JARID2: variants seen among roughly 807,000 people sequenced by gnomAD.
The protein encoded by JARID2 is jumonji and AT-rich interaction domain containing 2, also known as protein Jumonji.
Under a neutral mutation model 125.6 loss-of-function variants are expected in JARID2, and 21 were observed. The observed-to-expected ratio is 0.17, with a 90% CI of 0.12 to 0.24. The LOEUF (loss-of-function observed/expected upper bound fraction) is 0.24, where lower values mean the gene tolerates loss of function less well. Among genes scored for constraint, JARID2 ranks in the 10% least tolerant of loss-of-function variants. The pLI is 1.00. For missense variants in JARID2, 1,303 were observed against 1,639.6 expected, an observed-to-expected ratio of 0.79 and a Z score of 3.55; for synonymous variants, 736 against 661.6, an observed-to-expected ratio of 1.11 and a Z score of -1.73.
chr6:15,283,765 G>A (rs1259352481), intron 1 of JARID2, among the ~76,000 whole-genome samples: 1 of 145,876 alleles, frequency 6.9e-6, no homozygotes, highest in Admixed American at 6.9e-5. Context: ...GAGTGCAGTA[G>A]CGCGATCACG....
intron 1 of JARID2, among the ~76,000 whole-genome samples, chr6:15,258,321 C>A (rs1309386778): frequency 2.6e-5 from 4 of 152,188 alleles, no homozygotes; most frequent in Non-Finnish European, 4.4e-5. Flanking sequence ...GCTTTGGAGT[C>A]AGTCTGAAGT....
chr6:15,276,382 A>G (rs890273715), intron 1 of JARID2, among the ~76,000 whole-genome samples: 8 of 152,222 alleles, frequency 5.3e-5, no homozygotes, highest in Non-Finnish European at 1.0e-4. Context: ...GAGATAAAGT[A>G]TATTCCTGCC....
In JARID2 at chr6:15,361,443, C is replaced by T. The variant is rs1044422603; in HGVS notation, c.46-12674C>T. On this transcript the variant is annotated intron_variant, in intron 1 of 17. Coordinates refer to ENST00000341776, the MANE Select transcript of JARID2 (RefSeq NM_004973.4). ...TCCTCTGTCCTTTCACACACATCACCGAAGTGTAAATGGTAAATTTCTACA... is the reference window on the plus strand; with the variant it reads ...TCCTCTGTCCTTTCACACACATCACTGAAGTGTAAATGGTAAATTTCTACA... 4.6e-5 allele frequency among the ~76,000 whole-genome samples: 7 copies of T among 152,302 alleles called. No homozygotes were observed. In the East Asian group the frequency reaches 9.6e-4, roughly 21 times the overall value.
intron 5 of JARID2, among the ~76,000 whole-genome samples, chr6:15,486,805 A>ATTTTTTTTTTT (rs766075740): frequency 7.4e-5 from 3 of 40,632 alleles, no homozygotes; most frequent in African/African-American, 1.9e-4. Flanking sequence ...CTGAGAATAG[A>ATTTTTTTTTTT]CTTTTTTTTT....
intron 1 of JARID2, among the ~76,000 whole-genome samples, chr6:15,270,249 C>G (rs977425376): frequency 6.6e-6 from 1 of 152,206 alleles, no homozygotes; most frequent in East Asian, 1.9e-4. Context: ...TCTCCTGCCT[C>G]AGCCTCCGGA....
chr6:15,304,066 C>A (rs1247916883), intron 1 of JARID2, among the ~76,000 whole-genome samples: 1 of 152,124 alleles, frequency 6.6e-6, no homozygotes. Flanking sequence ...GTCTGGGTTG[C>A]TGTGGGGATT....
intron 1 of JARID2, among the ~76,000 whole-genome samples, chr6:15,281,665 A>G (rs977192929): frequency 1.1e-4 from 16 of 152,228 alleles, no homozygotes; most frequent in Admixed American, 7.9e-4. Flanking sequence ...ACGTAACAAT[A>G]TCTCAAAGAT....
chr6:15,510,920 G>A (rs1259233470), intron 12 of JARID2, among the ~76,000 whole-genome samples: 5 of 152,268 alleles, frequency 3.3e-5, no homozygotes, highest in African/African-American at 1.2e-4. Flanking sequence ...GAAGGAGGGT[G>A]CAGTGCTGGA....
At chr6:15,442,780 T>C (rs964864628) in intron 3 of JARID2, among the ~76,000 whole-genome samples, 9 of 152,236 alleles carry the variant, frequency 5.9e-5, no homozygotes, top group Admixed American at 3.9e-4. Context: ...AAGAAGTCAA[T>C]GTCAGATGTT....
intron 1 of JARID2, among the ~76,000 whole-genome samples, chr6:15,370,422 C>G (rs1764123620): frequency 6.7e-6 from 1 of 149,340 alleles, no homozygotes; most frequent in African/African-American, 2.5e-5. Context: ...ACTGCAAGCT[C>G]TGCCTCCCAG....
chr6:15,307,224 A>G (rs1761860271), intron 1 of JARID2, among the ~76,000 whole-genome samples: 1 of 152,106 alleles, frequency 6.6e-6, no homozygotes, highest in Admixed American at 6.5e-5. Context: ...TCTGGGCTAC[A>G]GAGTGAGACT....
At chr6:15,368,711 G>T (rs1448332509) in intron 1 of JARID2, 4 of 500,084 alleles carry the variant, frequency 8.0e-6, no homozygotes, top group South Asian at 5.8e-5. Context: ...CTGAAGAGGA[G>T]TCAAAGGAAG....
At chr6:15,283,231 G>A (rs376183264) in intron 1 of JARID2, among the ~76,000 whole-genome samples, 43 of 151,006 alleles carry the variant, frequency 2.8e-4, no homozygotes, top group African/African-American at 9.5e-4. Context: ...GCCCACCTTG[G>A]CCTCCCAAAG....
At chr6:15,518,842 C>T (rs1458889452) in intron 17 of JARID2, among the ~76,000 whole-genome samples, 1 of 152,168 alleles carries the variant, frequency 6.6e-6, no homozygotes, top group Non-Finnish European at 1.5e-5. Flanking sequence ...ATCTTCTCAA[C>T]CTCCCAGTGT....
chr6:15,273,399 T>C (rs1760375145), intron 1 of JARID2, among the ~76,000 whole-genome samples: 1 of 152,230 alleles, frequency 6.6e-6, no homozygotes, highest in Non-Finnish European at 1.5e-5. Context: ...AATGGTTGTG[T>C]TCTTTAAAAA....
intron 7 of JARID2, 78 bp downstream of exon 7, chr6:15,497,248 C>T: frequency 5.4e-6 from 6 of 1,115,990 alleles, no homozygotes; most frequent in Admixed American, 2.7e-5. Flanking sequence ...ACAGTCTTCA[C>T]GTTCTCTTCC....
intron 1 of JARID2, among the ~76,000 whole-genome samples, chr6:15,344,527 G>C (rs926609448): frequency 6.7e-6 from 1 of 149,038 alleles, no homozygotes; most frequent in African/African-American, 2.5e-5. Flanking sequence ...CATTTAAAGT[G>C]TACAATTCTT....
chr6:15,248,950 C>T (rs2127286351), intron 1 of JARID2: 1 of 985,636 alleles, frequency 1.0e-6, no homozygotes, highest in East Asian at 1.1e-4. Context: ...TCCGGAGCGT[C>T]GCGCTTCCCA....
intron 1 of JARID2, among the ~76,000 whole-genome samples, chr6:15,368,182 T>A (rs1764042945): frequency 6.6e-6 from 1 of 152,212 alleles, no homozygotes; most frequent in South Asian, 2.1e-4. Flanking sequence ...TACAACTTGG[T>A]TATATTATGC....
Sources: gnomAD v4.1 joint callset for allele counts (sites outside exome capture counted in the v4.1 genomes callset) on GRCh38, gnomAD v4.1.1 for gene constraint, MANE v1.5 for transcripts, NCBI Gene and HGNC (gene_info 2026-07-23, HGNC 2026-07-21) for gene names.